Variants in FAM135A observed in about 807,000 individuals in gnomAD.
FAM135A encodes family with sequence similarity 135 member A.
In FAM135A, 79 loss-of-function variants were observed where a neutral mutation model predicts 146.8. That is an observed-to-expected ratio of 0.54 (90% CI 0.45 to 0.65). FAM135A has a LOEUF of 0.65. Ranked by LOEUF, FAM135A falls within the 30% of genes least tolerant of loss-of-function variation. The pLI is 0.00. For synonymous variants in FAM135A, 562 were observed against 603.6 expected, an observed-to-expected ratio of 0.93 and a Z score of 1.01; for missense variants, 1,623 against 1,758.2, an observed-to-expected ratio of 0.92 and a Z score of 1.38.
chr6:70,486,964 TAGAG>T lies in FAM135A; in HGVS notation c.824-4068_824-4065del, dbSNP rs1429198483. Among the ~76,000 whole-genome samples, 6 of 148,266 alleles carry T rather than the reference TAGAG, an allele frequency of 4.0e-5. No individual in the cohort carries two copies. The East Asian group carries it at 1.2e-3, about 30-fold the overall frequency. ...AACCTAGTTTTCTGCACTGCAGAAA[TAGAG>T]AAGAGATGGGAGGCTGAGGCAGGAG... On this transcript the variant is annotated intron_variant, in intron 10 of 21. Transcript: ENST00000418814.
intron 4 of FAM135A, among the ~76,000 whole-genome samples, chr6:70,447,503 G>C (rs1776027503): frequency 6.6e-6 from 1 of 152,216 alleles, no homozygotes; most frequent in Admixed American, 6.5e-5. Context: ...CTCCTGTTGG[G>C]ACCTTTTGCA....
chr6:70,425,454 A>G (rs977250989), intron 2 of FAM135A, among the ~76,000 whole-genome samples: 2 of 152,196 alleles, frequency 1.3e-5, no homozygotes, highest in African/African-American at 4.8e-5. Flanking sequence ...TTACCAGAAA[A>G]TCTTTTGATG....
Position 70,533,839 on chromosome 6 carries a change from C to T in FAM135A, c.3950C>T (p.Thr1317Ile), listed in dbSNP as rs1796285869. 6.6e-7 allele frequency: 1 copy of T among 1,504,106 alleles called. No individual in the cohort carries two copies. The highest frequency in any genetic ancestry group is 9.0e-7 in the Non-Finnish European group (1 of 1,117,214). The allele number at this position is 1,504,106 out of a possible 1,614,324, so 93.2% of individuals were successfully genotyped here. ...CAGTATATTCAGATATATAGTCTAA[C>T]AGTCTCAAAAATAAGGTATCTTCTT... ...IIQYIQIYSL[T>I]VSKISFIGHS... The change falls in exon 18 of 22, where the codon ACA becomes ATA. Residue 1317 changes from threonine (T) to isoleucine (I), a missense_variant. Transcript: ENST00000418814.
At chr6:70,424,507 A>G (rs1411402075) in intron 2 of FAM135A, among the ~76,000 whole-genome samples, 1 of 152,126 alleles carries the variant, frequency 6.6e-6, no homozygotes, top group African/African-American at 2.4e-5. Context: ...CCCTCATTTT[A>G]ATGGTCACTG....
At chr6:70,489,454 C>T (rs921274627) in intron 10 of FAM135A, among the ~76,000 whole-genome samples, 9 of 152,108 alleles carry the variant, frequency 5.9e-5, no homozygotes, top group Non-Finnish European at 8.8e-5. Flanking sequence ...TTTTAGTTAA[C>T]AACAGAGTAT....
intron 4 of FAM135A, among the ~76,000 whole-genome samples, chr6:70,435,846 AG>A (rs1772985593): frequency 6.6e-6 from 1 of 152,214 alleles, no homozygotes; most frequent in Non-Finnish European, 1.5e-5. Flanking sequence ...TTTTGAAAAA[AG>A]TGATTCCTTG....
chr6:70,503,271 C>T (rs1788984582), intron 12 of FAM135A: 1 of 152,326 alleles, frequency 6.6e-6, no homozygotes. Flanking sequence ...CTAGTATGGA[C>T]ATTATGCAGG....
chr6:70,425,975 C>T (rs1047894314), intron 2 of FAM135A, among the ~76,000 whole-genome samples: 9 of 152,046 alleles, frequency 5.9e-5, no homozygotes, highest in East Asian at 1.9e-4. Context: ...CGGTGGCGGG[C>T]GCCTGTAGTC....
intron 12 of FAM135A, chr6:70,504,720 C>T (rs1789337305): frequency 6.6e-6 from 1 of 152,184 alleles, no homozygotes; most frequent in South Asian, 2.1e-4. Context: ...CTCACACTGT[C>T]CCAGCACTTT....
In FAM135A at chr6:70,517,826, A is replaced by T. The variant is rs80252724; in HGVS notation, c.1030-4687A>T. On this transcript the variant is annotated intron_variant, in intron 12 of 21. Coordinates refer to ENST00000418814, the MANE Select transcript of FAM135A (RefSeq NM_001162529.3). ...AGCACCACAGTTGTGCCCATATATGACAGTGAACTTAATACATGTTGTGTT... is the reference window on the plus strand; with the variant it reads ...AGCACCACAGTTGTGCCCATATATGTCAGTGAACTTAATACATGTTGTGTT... Among the ~76,000 whole-genome samples, 22 of 152,318 alleles carry T rather than the reference A, an allele frequency of 1.4e-4. No individual in the cohort carries two copies. The East Asian group carries it at 4.0e-3, about 28-fold the overall frequency.
At chr6:70,504,064 GT>G (rs1223418010) in intron 12 of FAM135A, 1 of 152,128 alleles carries the variant, frequency 6.6e-6, no homozygotes, top group African/African-American at 2.4e-5. Context: ...TAATGTGACA[GT>G]TTTCAGAGTT....
chr6:70,460,002 G>T (rs1035043639), intron 5 of FAM135A, among the ~76,000 whole-genome samples: 1 of 152,164 alleles, frequency 6.6e-6, no homozygotes, highest in African/African-American at 2.4e-5. Context: ...CTGCACTCCA[G>T]CCTGGGGACA....
intron 11 of FAM135A, among the ~76,000 whole-genome samples, chr6:70,495,859 C>T (rs1304914151): frequency 1.3e-5 from 2 of 152,124 alleles, no homozygotes; most frequent in Non-Finnish European, 2.9e-5. Flanking sequence ...CATTGTTCAA[C>T]TCCCACTTAT....
At chr6:70,442,596 C>G (rs1774816836) in intron 4 of FAM135A, among the ~76,000 whole-genome samples, 2 of 151,902 alleles carry the variant, frequency 1.3e-5, no homozygotes, top group South Asian at 4.2e-4. Context: ...TATAGTCATA[C>G]CCTTCCATCT....
At chr6:70,420,274 G>A (rs1768522070) in intron 2 of FAM135A, among the ~76,000 whole-genome samples, 1 of 149,020 alleles carries the variant, frequency 6.7e-6, no homozygotes, top group Admixed American at 6.6e-5. Context: ...GATGATTTCT[G>A]TGAGAGAATC....
At chr6:70,483,593 T>G (rs1057090343) in intron 10 of FAM135A, among the ~76,000 whole-genome samples, 2 of 152,230 alleles carry the variant, frequency 1.3e-5, no homozygotes, top group African/African-American at 4.8e-5. Flanking sequence ...TAATTTAGGC[T>G]ATCACTTATC....
At chr6:70,425,660 A>C (rs1388492899) in intron 2 of FAM135A, among the ~76,000 whole-genome samples, 1 of 152,230 alleles carries the variant, frequency 6.6e-6, no homozygotes, top group Non-Finnish European at 1.5e-5. Context: ...GAGGAAAACT[A>C]TCCATAGCAC....
chr6:70,435,042 A>T (rs2127845253), intron 4 of FAM135A, among the ~76,000 whole-genome samples: 1 of 149,458 alleles, frequency 6.7e-6, no homozygotes, highest in Non-Finnish European at 1.5e-5. Flanking sequence ...AAGGATATAG[A>T]TTTAGAAATT....
chr6:70,554,289 G>A (rs1800405917), intron 20 of FAM135A, among the ~76,000 whole-genome samples: 1 of 152,182 alleles, frequency 6.6e-6, no homozygotes, highest in African/African-American at 2.4e-5. Context: ...CTTACTTGGA[G>A]AAGATATACT....
Sources: gnomAD v4.1 joint callset for allele counts (sites outside exome capture counted in the v4.1 genomes callset) on GRCh38, gnomAD v4.1.1 for gene constraint, MANE v1.5 for transcripts, NCBI Gene and HGNC (gene_info 2026-07-23, HGNC 2026-07-21) for gene names.